The following MAMDC2 variants were observed in gnomAD, a reference collection of about 807,000 sequenced individuals.
The protein encoded by MAMDC2 is MAM domain-containing protein 2.
MAMDC2 carries 57 observed loss-of-function variants against 89.8 expected under a neutral mutation model. That is an observed-to-expected ratio of 0.63 (90% CI 0.51 to 0.79). The LOEUF (loss-of-function observed/expected upper bound fraction) is 0.79. Among genes scored for constraint, MAMDC2 ranks in the 30% least tolerant of loss-of-function variants. The pLI, the probability that MAMDC2 is intolerant of heterozygous loss-of-function variation, is 0.00. For missense variants in MAMDC2, 800 were observed against 820.6 expected (o/e 0.97, Z 0.31); for synonymous variants, 313 against 293.4 (o/e 1.07, Z -0.68).
intron 3 of MAMDC2, among the ~76,000 whole-genome samples, chr9:70,108,822 G>A (rs1009691039): frequency 1.3e-5 from 2 of 152,106 alleles, no homozygotes; most frequent in South Asian, 4.2e-4. Flanking sequence ...TAAATTGTGT[G>A]TGCTATGTGT....
intron 9 of MAMDC2, among the ~76,000 whole-genome samples, chr9:70,148,724 G>A (rs1024756419): frequency 6.7e-6 from 1 of 149,320 alleles, no homozygotes; most frequent in African/African-American, 2.5e-5. Context: ...GTAATAGCCC[G>A]TCTCTACTTA....
chr9:70,071,407 G>T (rs1320893610), intron 2 of MAMDC2, among the ~76,000 whole-genome samples: 1 of 152,146 alleles, frequency 6.6e-6, no homozygotes, highest in African/African-American at 2.4e-5. Context: ...TGAATCATAA[G>T]TCTAGGGTTT....
intron 2 of MAMDC2, chr9:70,071,490 A>C (rs1245067968): frequency 6.6e-6 from 1 of 152,162 alleles, no homozygotes; most frequent in Non-Finnish European, 1.5e-5. Context: ...CTCTGAGCTG[A>C]ATTGTCATAT....
intron 11 of MAMDC2, among the ~76,000 whole-genome samples, chr9:70,192,061 T>C (rs1041924150): frequency 2.6e-5 from 4 of 152,138 alleles, no homozygotes; most frequent in African/African-American, 9.7e-5. Flanking sequence ...AGCTGTTCTC[T>C]GAATAGCATC....
chr9:70,211,218 G>A (rs1466440396), intron 11 of MAMDC2, among the ~76,000 whole-genome samples: 1 of 152,194 alleles, frequency 6.6e-6, no homozygotes, highest in African/African-American at 2.4e-5. Flanking sequence ...CCTGAAGACT[G>A]TTTTCCAACT....
At chr9:70,072,895 G>C (rs900042674) in intron 2 of MAMDC2, among the ~76,000 whole-genome samples, 3 of 152,128 alleles carry the variant, frequency 2.0e-5, no homozygotes, top group Non-Finnish European at 4.4e-5. Context: ...GAGTGCAGTG[G>C]TGCAATCTCG....
intron 2 of MAMDC2, among the ~76,000 whole-genome samples, chr9:70,070,531 G>C (rs931791244): frequency 2.3e-4 from 35 of 152,304 alleles, no homozygotes; most frequent in African/African-American, 7.2e-4. Flanking sequence ...GCAACATCCA[G>C]AGATTTGCAT....
intron 2 of MAMDC2, among the ~76,000 whole-genome samples, chr9:70,099,416 G>C (rs1033655329): frequency 6.6e-6 from 1 of 152,134 alleles, no homozygotes; most frequent in Admixed American, 6.5e-5. Flanking sequence ...TAAGCTGATG[G>C]CTTATACATA....
chr9:70,085,776 G>A (rs1200195377), intron 2 of MAMDC2: 3 of 152,058 alleles, frequency 2.0e-5, no homozygotes, highest in African/African-American at 7.2e-5. Flanking sequence ...CAAAATGATA[G>A]AGATCAGAAG....
chr9:70,144,788 G>A (rs1433176500), intron 9 of MAMDC2, among the ~76,000 whole-genome samples: 1 of 152,190 alleles, frequency 6.6e-6, no homozygotes, highest in Non-Finnish European at 1.5e-5. Flanking sequence ...AGTAGAACCT[G>A]CACAGACATT....
intron 9 of MAMDC2, among the ~76,000 whole-genome samples, chr9:70,161,112 A>G (rs1354329202): frequency 4.6e-5 from 7 of 152,176 alleles, no homozygotes; most frequent in African/African-American, 1.7e-4. Flanking sequence ...TCTAAAAAAT[A>G]GCTGATTCTG....
At chr9:70,203,572 C>T (rs1221090296) in intron 11 of MAMDC2, among the ~76,000 whole-genome samples, 11 of 86,934 alleles carry the variant, frequency 1.3e-4, no homozygotes, top group Admixed American at 8.5e-4. Context: ...TTGTGGCATT[C>T]TCTGTATTTC....
intron 6 of MAMDC2, among the ~76,000 whole-genome samples, chr9:70,126,718 T>C (rs1305236147): frequency 2.0e-5 from 3 of 152,146 alleles, no homozygotes; most frequent in African/African-American, 7.2e-5. Flanking sequence ...CCTTGCACTG[T>C]GGTCACAGAG....
At chr9:70,073,248 C>T (rs1242433756) in intron 2 of MAMDC2, among the ~76,000 whole-genome samples, 2 of 152,324 alleles carry the variant, frequency 1.3e-5, no homozygotes, top group Non-Finnish European at 1.5e-5. Context: ...TCTGAAAATA[C>T]GTGGTTTAAA....
At chr9:70,090,325 A>C (rs1827864329) in intron 2 of MAMDC2, among the ~76,000 whole-genome samples, 1 of 151,926 alleles carries the variant, frequency 6.6e-6, no homozygotes, top group African/African-American at 2.4e-5. Flanking sequence ...CTCTACAAAA[A>C]GTTTAAAAAT....
chr9:70,131,391 C>G, intron 6 of MAMDC2, 128 bp from the exon 7 acceptor site: 1 of 637,672 alleles, frequency 1.6e-6, no homozygotes, highest in East Asian at 2.9e-5. Flanking sequence ...ATTTGGAAAT[C>G]TGATTCCATG....
intron 11 of MAMDC2, among the ~76,000 whole-genome samples, chr9:70,196,842 G>A (rs895408983): frequency 2.6e-5 from 4 of 152,078 alleles, no homozygotes; most frequent in East Asian, 3.9e-4. Context: ...AAAGAACCCA[G>A]TACTCTTAAA....
chr9:70,154,801 C>T (rs1464476541), intron 9 of MAMDC2, among the ~76,000 whole-genome samples: 3 of 152,116 alleles, frequency 2.0e-5, no homozygotes, highest in Non-Finnish European at 4.4e-5. Context: ...CGTGAGCCAC[C>T]GTGCTTGGCT....
At chr9:70,208,935 A>G (rs911819125) in intron 11 of MAMDC2, among the ~76,000 whole-genome samples, 3 of 152,158 alleles carry the variant, frequency 2.0e-5, no homozygotes, top group Non-Finnish European at 4.4e-5. Context: ...GACTATGTTT[A>G]TTGATTTGTG....
Sources: allele counts gnomAD v4.1 joint callset (sites outside exome capture counted in the v4.1 genomes callset), GRCh38; gene constraint gnomAD v4.1.1; transcripts MANE v1.5; gene names NCBI Gene and HGNC (gene_info 2026-07-23, HGNC 2026-07-21).